Variants in OLFM3 observed in about 807,000 individuals in gnomAD.
OLFM3 encodes the protein noelin-3.
Under a neutral mutation model 48.6 loss-of-function variants are expected in OLFM3, and 20 were observed. That is an observed-to-expected ratio of 0.41 (90% confidence interval 0.29 to 0.60). The LOEUF is 0.60. OLFM3 is among the 20% of genes least tolerant of loss of function. The probability of loss-of-function intolerance (pLI) is 0.28; values close to 1 mark genes in which losing one functional copy is unlikely to be tolerated. For synonymous variants in OLFM3, 222 were observed against 198.1 expected (o/e 1.12, Z -1.01); for missense variants, 437 against 544.3 (o/e 0.80, Z 1.96).
Position 101,828,020 on chromosome 1 carries a change from C to CTCTCTCTGTCTGTCTG in OLFM3, c.372+2651_372+2652insCAGACAGACAGAGAGA, listed in dbSNP as rs1553170808. Among the ~76,000 whole-genome samples the CTCTCTCTGTCTGTCTG allele has an allele frequency of 4.5e-3, 548 of 121,740 alleles. 4 individuals are homozygous for CTCTCTCTGTCTGTCTG. The highest frequency in any genetic ancestry group is 0.041 in the East Asian group (202 of 4,916). 79.9% of individuals were successfully genotyped at this position (121,740 alleles called of 152,430 possible). A position where few individuals can be genotyped will look rare whatever the true frequency, so the allele number is the denominator to read the frequency against. ...ACTTCTGCATTCATGCTCTCTCTCT[C>CTCTCTCTGTCTGTCTG]TCTCTCTCTCTCTGTCTGTCTGTCT... On this transcript the variant is annotated intron_variant, in intron 3 of 5. Transcript: ENST00000370103.
chr1:101,836,356 A>T (rs1344648209), intron 2 of OLFM3, among the ~76,000 whole-genome samples: 1 of 152,228 alleles, frequency 6.6e-6, no homozygotes, highest in Non-Finnish European at 1.5e-5. Context: ...AATCCATATT[A>T]AGTAAATTAT....
At chr1:101,892,270 A>G (rs1015865651) in intron 1 of OLFM3, among the ~76,000 whole-genome samples, 2 of 151,954 alleles carry the variant, frequency 1.3e-5, no homozygotes, top group African/African-American at 4.8e-5. Flanking sequence ...CAGCCTGGGG[A>G]GATAATAAAG....
At chr1:101,940,549 A>C (rs1659760753) in intron 1 of OLFM3, among the ~76,000 whole-genome samples, 1 of 151,536 alleles carries the variant, frequency 6.6e-6, no homozygotes, top group Non-Finnish European at 1.5e-5. Flanking sequence ...CTATGTATCT[A>C]TCTATCTATC....
intron 1 of OLFM3, among the ~76,000 whole-genome samples, chr1:101,942,212 T>C (rs1413090880): frequency 3.9e-5 from 6 of 152,164 alleles, no homozygotes; most frequent in African/African-American, 1.4e-4. Flanking sequence ...TATACACATA[T>C]ACAAAATTCA....
At chr1:101,910,642 C>T (rs555627761) in intron 1 of OLFM3, among the ~76,000 whole-genome samples, 25 of 152,092 alleles carry the variant, frequency 1.6e-4, no homozygotes, top group Non-Finnish European at 2.9e-4. Flanking sequence ...CTTTCTTCTC[C>T]AGTTGATATT....
chr1:101,893,287 C>A, intron 1 of OLFM3: 1 of 353,726 alleles, frequency 2.8e-6, no homozygotes. Context: ...GTCATAATTG[C>A]CAAGGTATTG....
chr1:101,864,102 C>T (rs2100967279), intron 1 of OLFM3, among the ~76,000 whole-genome samples: 1 of 152,232 alleles, frequency 6.6e-6, no homozygotes, highest in South Asian at 2.1e-4. Context: ...TCCTAACTCT[C>T]CTAACAACTT....
intron 4 of OLFM3, chr1:101,812,783 T>C (rs1326176871): frequency 1.0e-6 from 1 of 989,456 alleles, no homozygotes; most frequent in Non-Finnish European, 1.2e-6. Context: ...TGGGTGACCA[T>C]GGTAAAGTGG....
At chr1:101,899,375 G>C (rs1381249712) in intron 1 of OLFM3, among the ~76,000 whole-genome samples, 2 of 152,318 alleles carry the variant, frequency 1.3e-5, no homozygotes, top group East Asian at 3.9e-4. Flanking sequence ...GAGAATAAGA[G>C]CAGATGAAAG....
intron 1 of OLFM3, among the ~76,000 whole-genome samples, chr1:101,903,027 C>T (rs1489735936): frequency 6.6e-6 from 1 of 152,038 alleles, no homozygotes; most frequent in African/African-American, 2.4e-5. Flanking sequence ...GACAGCTTGG[C>T]TTTCTAATGT....
rs980960484 is a variant in OLFM3, at chr1:101,837,123, T to C, written c.70-98A>G. 123 of 1,235,856 alleles carry C rather than the reference T, an allele frequency of 1.0e-4. 1 individual carries two copies. The highest frequency in any genetic ancestry group is 2.2e-4 in the Middle Eastern group (1 of 4,566). 76.6% of individuals were successfully genotyped at this position (1,235,856 alleles called of 1,614,324 possible). On this transcript the variant is annotated intron_variant, in intron 1 of 5. Transcript: ENST00000370103. ...TTCAAGTAAAACACTTTTTTGATAA[T>C]TTAACTTTGTGTTTTCAATCTTTAA...
At chr1:101,913,399 C>T (rs1260289387) in intron 1 of OLFM3, among the ~76,000 whole-genome samples, 1 of 152,150 alleles carries the variant, frequency 6.6e-6, no homozygotes, top group Non-Finnish European at 1.5e-5. Context: ...AGGAGTATTA[C>T]TATTACCAGT....
At chr1:101,845,555 A>G (rs565106341) in intron 1 of OLFM3, among the ~76,000 whole-genome samples, 131 of 152,240 alleles carry the variant, frequency 8.6e-4, no homozygotes, top group South Asian at 1.7e-3. Flanking sequence ...GGACATTGAA[A>G]AAAAAATTGG....
intron 2 of OLFM3, among the ~76,000 whole-genome samples, chr1:101,834,743 T>C (rs530217881): frequency 3.7e-4 from 56 of 152,340 alleles, no homozygotes; most frequent in Non-Finnish European, 7.9e-4. Flanking sequence ...GTCATTTATG[T>C]ATTAATAAAT....
Position 101,995,793 on chromosome 1 carries a change from A to G in OLFM3, c.69+955T>C, listed in dbSNP as rs1661539906. 2.6e-5 allele frequency among the ~76,000 whole-genome samples: 4 copies of G among 152,300 alleles called. No homozygotes were observed. The South Asian group carries it at 8.3e-4, about 32-fold the overall frequency. ...TTTATAGCATGGAATCATTCTTCCT[A>G]TATTGTCAAATTGCTGTTGGCCAGT... On this transcript the variant is annotated intron_variant, in intron 1 of 5. Transcript: ENST00000370103.
chr1:101,805,970 G>A (rs972714408), intron 5 of OLFM3, 106 bp downstream of exon 5: 1 of 704,038 alleles, frequency 1.4e-6, no homozygotes, highest in Non-Finnish European at 2.3e-6. Flanking sequence ...TTATGTACCA[G>A]TTTTCAAGTA....
At chr1:101,809,892 G>C (rs1245113758) in intron 4 of OLFM3, among the ~76,000 whole-genome samples, 1 of 151,862 alleles carries the variant, frequency 6.6e-6, no homozygotes, top group Non-Finnish European at 1.5e-5. Flanking sequence ...TATAAACATT[G>C]CTATAATAAT....
intron 1 of OLFM3, among the ~76,000 whole-genome samples, chr1:101,873,363 G>A (rs927355869): frequency 6.6e-6 from 1 of 151,792 alleles, no homozygotes; most frequent in African/African-American, 2.4e-5. Context: ...TTGTATGGTG[G>A]AAATTGTCTT....
chr1:101,837,073 T>TA (rs757505663), intron 1 of OLFM3, 48 bp from the exon 2 acceptor site: 102 of 1,550,878 alleles, frequency 6.6e-5, no homozygotes, highest in African/African-American at 8.2e-5. Context: ...TGTTATAGGA[T>TA]AAAAAGAGTG....
Sources: allele counts gnomAD v4.1 joint callset (sites outside exome capture counted in the v4.1 genomes callset), GRCh38; gene constraint gnomAD v4.1.1; transcripts MANE v1.5; gene names NCBI Gene and HGNC (gene_info 2026-07-23, HGNC 2026-07-21).